The following LINGO2 variants were observed in gnomAD, a reference collection of about 807,000 sequenced individuals.
The protein encoded by LINGO2 is leucine rich repeat and Ig domain containing 2.
In LINGO2, 14 loss-of-function variants were observed where a neutral mutation model predicts 30.6. The observed-to-expected ratio is 0.46, with a 90% CI of 0.30 to 0.72. The LOEUF (loss-of-function observed/expected upper bound fraction) is 0.72, where lower values mean the gene tolerates loss of function less well. Ranked by LOEUF, LINGO2 falls within the 30% of genes least tolerant of loss-of-function variation. LINGO2 has a pLI of 0.07. For missense variants in LINGO2, 729 were observed against 751.7 expected (o/e 0.97, Z 0.35); for synonymous variants, 317 against 288.5 (o/e 1.10, Z -1.00).
chr9:28,641,030 G>A (rs1190475574), intron 1 of LINGO2, among the ~76,000 whole-genome samples: 2 of 151,990 alleles, frequency 1.3e-5, no homozygotes, highest in East Asian at 1.9e-4. Context: ...CTGTTGGTTA[G>A]TTTTCCTTCC....
intron 1 of LINGO2, among the ~76,000 whole-genome samples, chr9:28,498,293 C>T (rs925739660): frequency 5.9e-5 from 9 of 152,176 alleles, no homozygotes; most frequent in African/African-American, 2.2e-4. Context: ...CCTTGAGCAG[C>T]GGTGGGCTCC....
At chr9:28,872,214 C>T in the LINGO2 span, among the ~76,000 whole-genome samples, 6 of 151,830 alleles carry the variant, frequency 4.0e-5, no homozygotes, top group Non-Finnish European at 2.9e-5. Flanking sequence ...TAATGATTCC[C>T]AAAAAGAAAC....
At chr9:28,029,547 C>T (rs1396593358) in intron 4 of LINGO2, among the ~76,000 whole-genome samples, 1 of 152,084 alleles carries the variant, frequency 6.6e-6, no homozygotes, top group Non-Finnish European at 1.5e-5. Context: ...GCAGGAGCAG[C>T]TATGAAAGGA....
chr9:28,338,411 T>C (rs1825658457), intron 3 of LINGO2, among the ~76,000 whole-genome samples: 1 of 152,176 alleles, frequency 6.6e-6, no homozygotes, highest in African/African-American at 2.4e-5. Flanking sequence ...GATGAGACTT[T>C]GGGTTTGGAC....
chr9:28,003,350 G>C (rs148656114), intron 5 of LINGO2, among the ~76,000 whole-genome samples: 1 of 115,050 alleles, frequency 8.7e-6, no homozygotes, highest in African/African-American at 4.2e-5. Context: ...TATATAGATA[G>C]ATAGATAGAT....
chr9:28,051,839 A>G (rs1302862986), intron 4 of LINGO2, among the ~76,000 whole-genome samples: 2 of 152,140 alleles, frequency 1.3e-5, no homozygotes, highest in Non-Finnish European at 2.9e-5. Flanking sequence ...CCAAATTAAA[A>G]AAACAGGATA....
At chr9:28,150,327 C>T (rs1247263641) in intron 4 of LINGO2, among the ~76,000 whole-genome samples, 1 of 152,200 alleles carries the variant, frequency 6.6e-6, no homozygotes, top group Non-Finnish European at 1.5e-5. Flanking sequence ...TCTGCCCTCC[C>T]CAAGTTTGCA....
the LINGO2 span, among the ~76,000 whole-genome samples, chr9:29,188,612 G>C: frequency 6.6e-6 from 1 of 152,008 alleles, no homozygotes; most frequent in African/African-American, 2.4e-5. Context: ...CCGGGTCGTG[G>C]CCGGGCAGAG....
the LINGO2 span, among the ~76,000 whole-genome samples, chr9:28,976,666 A>T: frequency 1.3e-5 from 2 of 152,142 alleles, no homozygotes; most frequent in Admixed American, 6.6e-5. Flanking sequence ...ATAGGATAGG[A>T]TCAGCTATAT....
At chr9:28,524,831 T>C (rs946822337) in intron 1 of LINGO2, among the ~76,000 whole-genome samples, 3 of 151,902 alleles carry the variant, frequency 2.0e-5, no homozygotes, top group Admixed American at 2.0e-4. Flanking sequence ...AGATAAACAA[T>C]GGAATTCAGA....
chr9:28,407,209 T>G (rs1282896517), intron 2 of LINGO2, among the ~76,000 whole-genome samples: 1 of 150,002 alleles, frequency 6.7e-6, no homozygotes, highest in Non-Finnish European at 1.5e-5. Flanking sequence ...AGAAAATAAT[T>G]TAAAAACAAT....
chr9:29,123,639 T>A, the LINGO2 span, among the ~76,000 whole-genome samples: 20 of 152,124 alleles, frequency 1.3e-4, no homozygotes, highest in African/African-American at 3.6e-4. Flanking sequence ...ATATTTCTGA[T>A]TTAAGACATA....
chr9:28,960,443 T>C, the LINGO2 span, among the ~76,000 whole-genome samples: 1 of 151,400 alleles, frequency 6.6e-6, no homozygotes, highest in African/African-American at 2.4e-5. Context: ...GAGGTTACAG[T>C]GAGCTATGAT....
At chr9:29,138,633 A>G in the LINGO2 span, among the ~76,000 whole-genome samples, 4 of 152,020 alleles carry the variant, frequency 2.6e-5, no homozygotes, top group East Asian at 5.8e-4. Context: ...AGTCATTTGT[A>G]TGATGCTTTA....
chr9:28,052,063 G>T (rs1824702516), intron 4 of LINGO2, among the ~76,000 whole-genome samples: 1 of 152,036 alleles, frequency 6.6e-6, no homozygotes, highest in South Asian at 2.1e-4. Context: ...ACTTTGATAT[G>T]CTAAGGAGCT....
At chr9:28,307,735 C>G (rs1391080267) in intron 3 of LINGO2, among the ~76,000 whole-genome samples, 2 of 152,174 alleles carry the variant, frequency 1.3e-5, no homozygotes, top group Non-Finnish European at 2.9e-5. Context: ...AGCAAATTCT[C>G]AGGATACAAA....
At chr9:28,417,275 T>C (rs1564186701) in intron 2 of LINGO2, among the ~76,000 whole-genome samples, 1 of 152,300 alleles carries the variant, frequency 6.6e-6, no homozygotes, top group East Asian at 1.9e-4. Flanking sequence ...AGTTCAGTGG[T>C]GTTCAGTCCC....
chr9:28,137,629 C>T (rs899080329), intron 4 of LINGO2, among the ~76,000 whole-genome samples: 1 of 151,692 alleles, frequency 6.6e-6, no homozygotes, highest in African/African-American at 2.4e-5. Context: ...AATTTTTTAA[C>T]ATGAAAAAGT....
chr9:28,324,291 A>G (rs974928250), intron 3 of LINGO2, among the ~76,000 whole-genome samples: 3 of 152,126 alleles, frequency 2.0e-5, no homozygotes, highest in Non-Finnish European at 4.4e-5. Flanking sequence ...CAAGCCCCAC[A>G]AACCTGCATC....
Sources: allele counts gnomAD v4.1 joint callset (sites outside exome capture counted in the v4.1 genomes callset), GRCh38; gene constraint gnomAD v4.1.1; transcripts MANE v1.5; gene names NCBI Gene and HGNC (gene_info 2026-07-23, HGNC 2026-07-21).